NTAQ1: variants seen among roughly 807,000 people sequenced by gnomAD.
NTAQ1 encodes the protein protein N-terminal glutamine amidohydrolase.
Under a neutral mutation model 28.2 loss-of-function variants are expected in NTAQ1, and 21 were observed. The observed-to-expected ratio is 0.74, with a 90% CI of 0.53 to 1.07. The LOEUF is 1.07. Ranked by LOEUF, NTAQ1 falls within the 50% of genes least tolerant of loss-of-function variation. The probability of loss-of-function intolerance (pLI) is 0.00; values close to 1 mark genes in which losing one functional copy is unlikely to be tolerated. For missense variants in NTAQ1, 264 were observed against 256.6 expected (o/e 1.03, Z -0.20); for synonymous variants, 105 against 90.0 (o/e 1.17, Z -0.94).
intron 3 of NTAQ1, among the ~76,000 whole-genome samples, chr8:123,436,169 CA>C (rs34240319): frequency 0.27 from 23,464 of 85,626 alleles, 1,641 homozygotes; most frequent in South Asian, 0.35. Flanking sequence ...GACTCCATCT[CA>C]AAAAAAAAAA....
At chr8:123,444,345 A>C (rs1815190982), downstream of NTAQ1, among the ~76,000 whole-genome samples, 1 of 151,838 alleles carries the variant, frequency 6.6e-6, no homozygotes, top group Admixed American at 6.6e-5. Context: ...GATTACAGGC[A>C]TGCGCCGCTA....
At chr8:123,459,442 A>C (rs189880062) in intron 6 of NTAQ1, among the ~76,000 whole-genome samples, 46 of 152,264 alleles carry the variant, frequency 3.0e-4, no homozygotes, top group African/African-American at 1.1e-3. Context: ...ATGGAAGATT[A>C]ATTCAGTCTC....
At chr8:123,428,578 G>GTT (rs34714492) in intron 2 of NTAQ1, among the ~76,000 whole-genome samples, 64 of 150,804 alleles carry the variant, frequency 4.2e-4, no homozygotes, top group Admixed American at 5.3e-4. Flanking sequence ...ATGTAGACCT[G>GTT]TTTTTTTTTG....
At chr8:123,431,210 G>A (rs1416899222) in intron 3 of NTAQ1, among the ~76,000 whole-genome samples, 5 of 151,348 alleles carry the variant, frequency 3.3e-5, no homozygotes, top group African/African-American at 4.9e-5. Context: ...GATGGCGTGT[G>A]CCTGTAATCC....
chr8:123,457,549 A>T (rs1051745141), intron 6 of NTAQ1, among the ~76,000 whole-genome samples: 3 of 152,220 alleles, frequency 2.0e-5, no homozygotes, highest in African/African-American at 7.2e-5. Flanking sequence ...GTACTAAAAG[A>T]TAAAAACGTG....
chr8:123,451,652 T>C (rs575481856), downstream of NTAQ1, among the ~76,000 whole-genome samples: 5 of 152,216 alleles, frequency 3.3e-5, no homozygotes, highest in Non-Finnish European at 7.3e-5. Flanking sequence ...AAGTCTGTTT[T>C]CTATCTCCCT....
downstream of NTAQ1, among the ~76,000 whole-genome samples, chr8:123,449,875 CTCTCTCT>C (rs1815420765): frequency 7.1e-6 from 1 of 140,268 alleles, no homozygotes; most frequent in South Asian, 2.5e-4. Context: ...CTCTCTCTCT[CTCTCTCT>C]CTCTCTCTCT....
chr8:123,471,213 G>A (rs1160738203), downstream of NTAQ1, among the ~76,000 whole-genome samples: 1 of 152,026 alleles, frequency 6.6e-6, no homozygotes, highest in Admixed American at 6.6e-5. Flanking sequence ...TTACTGGTGT[G>A]AGCCACCATG....
chr8:123,450,033 G>T (rs979240383), downstream of NTAQ1, among the ~76,000 whole-genome samples: 2 of 140,668 alleles, frequency 1.4e-5, no homozygotes, highest in Non-Finnish European at 3.1e-5. Context: ...TATCAAATTG[G>T]GAGACATCTG....
intron 6 of NTAQ1, among the ~76,000 whole-genome samples, chr8:123,453,458 T>A (rs1159608644): frequency 6.6e-6 from 1 of 152,008 alleles, no homozygotes; most frequent in African/African-American, 2.4e-5. Context: ...AACAGAGTTT[T>A]GCTCTTGTCA....
intron 2 of NTAQ1, among the ~76,000 whole-genome samples, chr8:123,428,456 C>A (rs560080798): frequency 6.6e-6 from 1 of 152,156 alleles, no homozygotes; most frequent in African/African-American, 2.4e-5. Context: ...CCTCAGCCCC[C>A]CAAAGTGCTG....
At chr8:123,435,541 A>G (rs1251918534) in intron 3 of NTAQ1, 3 of 984,828 alleles carry the variant, frequency 3.0e-6, no homozygotes, top group Non-Finnish European at 3.6e-6. Context: ...CTGAATGCGC[A>G]CGTATGTCTT....
intron 3 of NTAQ1, among the ~76,000 whole-genome samples, chr8:123,430,594 A>G (rs536588541): frequency 4.6e-5 from 7 of 152,304 alleles, no homozygotes; most frequent in African/African-American, 1.7e-4. Flanking sequence ...TCTGGCCAAC[A>G]TGGCAAAACT....
At chr8:123,454,115 T>G (rs1815581026) in intron 6 of NTAQ1, among the ~76,000 whole-genome samples, 2 of 152,190 alleles carry the variant, frequency 1.3e-5, no homozygotes, top group African/African-American at 2.4e-5. Flanking sequence ...GCAAATAAAC[T>G]TTATCAATAA....
At chr8:123,429,732 T>C (rs570464710) in intron 2 of NTAQ1, among the ~76,000 whole-genome samples, 110 of 152,064 alleles carry the variant, frequency 7.2e-4, no homozygotes, top group Non-Finnish European at 1.4e-3. Flanking sequence ...AATAAAAAAT[T>C]AGCTGGGTGT....
chr8:123,437,446 T>A, intron 5 of NTAQ1, 112 bp downstream of exon 5: 1 of 1,469,338 alleles, frequency 6.8e-7, no homozygotes, highest in South Asian at 1.3e-5. Context: ...ACTCCATGAG[T>A]GAATCCCAGC....
intron 6 of NTAQ1, among the ~76,000 whole-genome samples, chr8:123,462,449 G>C (rs1815849691): frequency 2.6e-5 from 4 of 152,082 alleles, no homozygotes; most frequent in Admixed American, 1.3e-4. Flanking sequence ...GATACTCTAG[G>C]GCAGTAGTTT....
chr8:123,438,294 A>G, intron 5 of NTAQ1: 1 of 659,422 alleles, frequency 1.5e-6, no homozygotes. Context: ...CACCTGGATA[A>G]TACAGTCTGT....
chr8:123,434,928 A>C (rs1814612257), intron 3 of NTAQ1, among the ~76,000 whole-genome samples: 3 of 152,126 alleles, frequency 2.0e-5, no homozygotes, highest in Admixed American at 2.0e-4. Context: ...CTGTTTTGCT[A>C]AGACAGACTT....
Sources: allele counts gnomAD v4.1 joint callset (sites outside exome capture counted in the v4.1 genomes callset), GRCh38; gene constraint gnomAD v4.1.1; transcripts MANE v1.5; gene names NCBI Gene and HGNC (gene_info 2026-07-23, HGNC 2026-07-21).